Variants in MYO18B observed in about 807,000 individuals in gnomAD.
MYO18B encodes unconventional myosin-XVIIIb.
Under a neutral mutation model 273.0 loss-of-function variants are expected in MYO18B, and 204 were observed. That is an observed-to-expected ratio of 0.75 (90% CI 0.67 to 0.84). MYO18B has a LOEUF of 0.84. Ranked by LOEUF, MYO18B falls within the 40% of genes least tolerant of loss-of-function variation. The pLI is 0.00. For missense variants in MYO18B, 3,212 were observed against 3,287.6 expected, an observed-to-expected ratio of 0.98 and a Z score of 0.56; for synonymous variants, 1,330 against 1,305.7, an observed-to-expected ratio of 1.02 and a Z score of -0.40.
In MYO18B at chr22:25,824,253, G is replaced by A. The variant is rs578205739; in HGVS notation, c.2695+575G>A. On this transcript the variant is annotated intron_variant, in intron 13 of 43. Transcript: ENST00000335473. ...GAGTGGGAGACAGGAGACCCACTGG[G>A]AACCTATAAAAATCACCAGGTGATA... Among the ~76,000 whole-genome samples, 6 of 152,266 alleles carry A rather than the reference G, an allele frequency of 3.9e-5. No homozygotes were observed. The East Asian group carries it at 1.2e-3, about 29-fold the overall frequency.
chr22:25,975,620 G>T (rs1226160820), intron 39 of MYO18B, among the ~76,000 whole-genome samples: 1 of 152,190 alleles, frequency 6.6e-6, no homozygotes, highest in Admixed American at 6.5e-5. Context: ...AGATAGCTAG[G>T]AAAGATTGAC....
At chr22:25,788,646 G>A (rs2087502451) in intron 11 of MYO18B, among the ~76,000 whole-genome samples, 1 of 152,188 alleles carries the variant, frequency 6.6e-6, no homozygotes, top group Admixed American at 6.5e-5. Flanking sequence ...AGATTTGACT[G>A]GATGGCTTGC....
At chr22:25,932,837 T>C (rs1569206347) in intron 34 of MYO18B, among the ~76,000 whole-genome samples, 1 of 151,816 alleles carries the variant, frequency 6.6e-6, no homozygotes, top group East Asian at 2.0e-4. Context: ...ATTTTTTTTT[T>C]TGTTTTTAAA....
At chr22:25,997,339 A>G (rs1260689802) in intron 40 of MYO18B, among the ~76,000 whole-genome samples, 1 of 150,264 alleles carries the variant, frequency 6.7e-6, no homozygotes, top group African/African-American at 2.4e-5. Flanking sequence ...AACGAAGGAA[A>G]AAAGAAAGTA....
At chr22:26,043,982 A>T in the MYO18B span, among the ~76,000 whole-genome samples, 1 of 152,160 alleles carries the variant, frequency 6.6e-6, no homozygotes, top group Non-Finnish European at 1.5e-5. Context: ...GCTCCTCCAC[A>T]TGCTTAGCCT....
At chr22:25,771,031 C>T in intron 6 of MYO18B, 47 bp downstream of exon 6, 3 of 1,312,972 alleles carry the variant, frequency 2.3e-6, no homozygotes, top group Non-Finnish European at 3.2e-6. Context: ...CCCTGTCCCA[C>T]TTCACCCCAG....
At chr22:25,833,617 T>G (rs1292620518) in intron 16 of MYO18B, among the ~76,000 whole-genome samples, 1 of 152,182 alleles carries the variant, frequency 6.6e-6, no homozygotes, top group Non-Finnish European at 1.5e-5. Context: ...ACAAAAGTGC[T>G]TGGGCCATGA....
chr22:26,013,808 A>T (rs544369171), intron 42 of MYO18B, among the ~76,000 whole-genome samples: 12 of 152,262 alleles, frequency 7.9e-5, no homozygotes, highest in Admixed American at 7.8e-4. Context: ...ATCCTCTTTA[A>T]TGAAGTGTCT....
chr22:25,748,748 C>T (rs947651906), intron 1 of MYO18B, among the ~76,000 whole-genome samples: 8 of 152,344 alleles, frequency 5.3e-5, no homozygotes, highest in African/African-American at 1.9e-4. Flanking sequence ...TTGCTTCTCA[C>T]TCATCCCTCT....
the MYO18B span, among the ~76,000 whole-genome samples, chr22:26,053,657 T>C: frequency 1.3e-5 from 2 of 152,190 alleles, no homozygotes; most frequent in East Asian, 3.8e-4. Flanking sequence ...CAATGAAGCA[T>C]TAACTCCTAG....
At chr22:25,829,550 A>G (rs2089630173) in intron 15 of MYO18B, among the ~76,000 whole-genome samples, 1 of 149,736 alleles carries the variant, frequency 6.7e-6, no homozygotes, top group Non-Finnish European at 1.5e-5. Flanking sequence ...GGTTAAGTTG[A>G]AATATAAGGC....
At chr22:25,921,202 A>C in intron 33 of MYO18B, 55 bp from the exon 34 acceptor site, 1 of 1,508,716 alleles carries the variant, frequency 6.6e-7, no homozygotes, top group Non-Finnish European at 8.9e-7. Flanking sequence ...CGGAAAACTT[A>C]GACCCTGGCC....
At chr22:25,910,787 AT>A (rs1290046241) in intron 32 of MYO18B, among the ~76,000 whole-genome samples, 158 bp from the exon 33 acceptor site, 1 of 152,062 alleles carries the variant, frequency 6.6e-6, no homozygotes, top group Non-Finnish European at 1.5e-5. Context: ...AGGCTCTTAA[AT>A]TCTCCCACAG....
chr22:25,836,130 G>A (rs1001541018), intron 17 of MYO18B, among the ~76,000 whole-genome samples: 2 of 152,132 alleles, frequency 1.3e-5, no homozygotes, highest in African/African-American at 4.8e-5. Context: ...GGAAGGGGGA[G>A]CAAGAGGGGA....
chr22:25,950,438 G>A lies in MYO18B; in HGVS notation c.5820G>A (p.Lys1940=). 1.9e-6 allele frequency: 3 copies of A among 1,603,994 alleles called. No homozygotes were observed. The highest frequency in any genetic ancestry group is 4.5e-5 in the East Asian group (2 of 44,414). Residue 1940 remains lysine (K), a synonymous_variant, in exon 37 of 44, where the codon AAG becomes AAA. Coordinates refer to ENST00000335473, the MANE Select transcript of MYO18B (RefSeq NM_032608.7). ...AGGAAGCCAAGAAGGAGAAGCACAAGCTACAAGAACAAGTATGTGCTCAGA... is the reference window on the plus strand; with the variant it reads ...AGGAAGCCAAGAAGGAGAAGCACAAACTACAAGAACAAGTATGTGCTCAGA... The part of the protein sequence containing the change: ...QLEEAKKEKH[K]LQEQLQVAQM...
intron 38 of MYO18B, 52 bp downstream of exon 38, chr22:25,952,475 G>C (rs1306871048): frequency 6.2e-7 from 1 of 1,601,880 alleles, no homozygotes; most frequent in African/African-American, 1.3e-5. Context: ...GAGAGCTTTT[G>C]TGTAAGCTTC....
Position 26,004,815 on chromosome 22 carries a change from T to C in MYO18B, c.6430T>C (p.Ser2144Pro). 6.2e-7 allele frequency: 1 copy of C among 1,613,752 alleles called. No individual in the cohort carries two copies. Among genetic ancestry groups the C allele is most frequent in the Non-Finnish European group, 8.5e-7 (1 of 1,179,718 alleles). ...GGCCACAGATACTATGAGGACTCCTTCTCGACAGTCAGCCACCAGCAGCCG... is the reference window on the plus strand; with the variant it reads ...GGCCACAGATACTATGAGGACTCCTCCTCGACAGTCAGCCACCAGCAGCCG... Reference protein sequence around the residue: ...SLATDTMRTPSRQSATSSRIL... With the variant: ...SLATDTMRTPPRQSATSSRIL... Residue 2144 changes from serine to proline, a missense_variant, in exon 42 of 44, where the codon TCT (serine) becomes CCT (proline). By Grantham distance (74) the Ser-to-Pro change is moderately conservative (BLOSUM62 -1). Coordinates refer to ENST00000335473, the MANE Select transcript of MYO18B (RefSeq NM_032608.7).
chr22:25,823,915 G>A (rs577725422), intron 13 of MYO18B, among the ~76,000 whole-genome samples: 11 of 152,306 alleles, frequency 7.2e-5, no homozygotes, highest in Non-Finnish European at 1.0e-4. Context: ...AGGGAGCCCC[G>A]CGCTGTGGGG....
Position 25,781,629 on chromosome 22 carries a change from T to G in MYO18B, c.2212-105T>G, listed in dbSNP as rs865913327. On this transcript the variant is annotated intron_variant, in intron 9 of 43. Transcript: ENST00000335473. ...CGTCTCAAAAAAAAAAAAAAAAGAG[T>G]GGATCAGAGTGGGGCACCCCAATGG... 6.6e-4 allele frequency: 195 copies of G among 295,420 alleles called. 5 individuals are homozygous for G. The highest frequency in any genetic ancestry group is 2.5e-3 in the South Asian group (20 of 8,010). The allele number at this position is 295,420 out of a possible 1,614,324, so 18.3% of individuals were successfully genotyped here. A position where few individuals can be genotyped will look rare whatever the true frequency, so the allele number is the denominator to read the frequency against.
Sources: allele counts gnomAD v4.1 joint callset (sites outside exome capture counted in the v4.1 genomes callset), GRCh38; gene constraint gnomAD v4.1.1; transcripts MANE v1.5; gene names NCBI Gene and HGNC (gene_info 2026-07-23, HGNC 2026-07-21).